AIPL1: variants seen among roughly 807,000 people sequenced by gnomAD.
The protein encoded by AIPL1 is aryl-hydrocarbon-interacting protein-like 1.
Under a neutral mutation model 32.9 loss-of-function variants are expected in AIPL1, and 23 were observed. The observed-to-expected ratio is 0.70, with a 90% CI of 0.50 to 0.99. The LOEUF is 0.99. Among genes scored for constraint, AIPL1 ranks in the 50% least tolerant of loss-of-function variants. The pLI, the probability that AIPL1 is intolerant of heterozygous loss-of-function variation, is 0.00. For missense variants in AIPL1, 485 were observed against 506.0 expected, an observed-to-expected ratio of 0.96 and a Z score of 0.40; for synonymous variants, 210 against 209.4, an observed-to-expected ratio of 1.00 and a Z score of -0.02.
chr17:6,429,195 C>T (rs60463279), intron 2 of AIPL1, among the ~76,000 whole-genome samples: 1 of 152,162 alleles, frequency 6.6e-6, no homozygotes, highest in African/African-American at 2.4e-5. Context: ...TGGGAAGATC[C>T]GCCGTGCGGC....
At chr17:6,433,882 A>G (rs1171927917) in intron 2 of AIPL1, 37 bp downstream of exon 2, 1 of 1,607,348 alleles carries the variant, frequency 6.2e-7, no homozygotes, top group African/African-American at 1.3e-5. Flanking sequence ...CCCAGAAAAG[A>G]CTAGTCCCAG....
At chr17:6,434,975 G>T (rs751560802) in intron 1 of AIPL1, 34 bp downstream of exon 1, 1 of 1,613,748 alleles carries the variant, frequency 6.2e-7, no homozygotes, top group Non-Finnish European at 8.5e-7. Context: ...GCTGCTGTGG[G>T]GGACCCTGTC....
Position 6,426,992 on chromosome 17 carries a change from C to A in AIPL1, c.531G>T (p.Ala177=). Residue 177 remains alanine, a synonymous_variant, in exon 4 of 6, where the codon GCG becomes GCT. Coordinates refer to ENST00000381129, the MANE Select transcript of AIPL1 (RefSeq NM_014336.5). ...TTCCCTCTCCGTGGAGGACGGGCAC[C>A]GCCTTCATCTTCTCATGATTGCTCA... is the stretch of plus-strand genomic sequence containing the variant. ...WNLSNHEKMK[A]VPVLHGEGNR... 1 of 1,614,212 alleles carries A rather than the reference C, an allele frequency of 6.2e-7. No individual in the cohort carries two copies. The highest frequency in any genetic ancestry group is 8.5e-7 in the Non-Finnish European group (1 of 1,180,050).
intron 5 of AIPL1, chr17:6,426,290 A>G: frequency 7.5e-7 from 1 of 1,339,156 alleles, no homozygotes; most frequent in Non-Finnish European, 9.6e-7. Flanking sequence ...CAACACCAGT[A>G]CTAGTACCGA....
intron 2 of AIPL1, among the ~76,000 whole-genome samples, chr17:6,431,292 C>G (rs1302654025): frequency 1.4e-5 from 2 of 138,134 alleles, no homozygotes; most frequent in Non-Finnish European, 3.2e-5. Context: ...ACTAAAAATA[C>G]TGAAAAAAAA....
rs201168635 is a variant in AIPL1 at position 6,426,704 on chromosome 17, A to G, written c.695T>C (p.Leu232Pro). The G allele has an allele frequency of 3.1e-6, 5 of 1,614,168 alleles. No homozygotes were observed. Among genetic ancestry groups the G allele is most frequent in the Non-Finnish European group, 8.5e-7 (1 of 1,180,032 alleles). The change falls in exon 5 of 6, where the codon CTG becomes CCG. Residue 232 changes from leucine (L) to proline (P), a missense_variant. Coordinates refer to ENST00000381129, the MANE Select transcript of AIPL1 (RefSeq NM_014336.5). ...WLKLEKMINT[L>P]ILNYCQCLLK... ...CAGGCACTGGCAGTAGTTGAGGATC[A>G]GAGTATTGATCATCTTCTCCAGCTT...
At position 6,425,247 on chromosome 17, in the gene AIPL1, A is replaced by G; in HGVS notation, c.*213T>C. 1 of 499,138 alleles carries G rather than the reference A, an allele frequency of 2.0e-6. No homozygotes were observed. Among genetic ancestry groups the G allele is most frequent in the Non-Finnish European group, 3.4e-6 (1 of 296,296 alleles). 30.9% of individuals were successfully genotyped at this position (499,138 alleles called of 1,614,324 possible). A position where few individuals can be genotyped will look rare whatever the true frequency, so the allele number is the denominator to read the frequency against. On this transcript the variant is annotated 3_prime_UTR_variant, in exon 6 of 6. Coordinates refer to ENST00000381129, the MANE Select transcript of AIPL1 (RefSeq NM_014336.5). ...CAATTAAAACCATGGCACGGAAGGAATGAGAGGGGTAGAGGAGAAAACTAC... is the reference window on the plus strand; with the variant it reads ...CAATTAAAACCATGGCACGGAAGGAGTGAGAGGGGTAGAGGAGAAAACTAC...
intron 3 of AIPL1, among the ~76,000 whole-genome samples, chr17:6,427,807 G>C (rs1365869797): frequency 8.0e-6 from 1 of 124,354 alleles, no homozygotes; most frequent in African/African-American, 2.8e-5. Flanking sequence ...GGTTCCAAGT[G>C]GACTTTTTTT....
chr17:6,428,353 G>T lies in AIPL1; in HGVS notation c.430C>A (p.Pro144Thr). The change falls in exon 3 of 6, where the codon CCT becomes ACT. Residue 144 changes from proline (P) to threonine (T), a missense_variant. By Grantham distance (38) the Pro-to-Thr change is conservative. Coordinates refer to ENST00000381129, the MANE Select transcript of AIPL1 (RefSeq NM_014336.5). ...YEDLDELQKE[P>T]QPLVFVIELL... ...TCGATCACAAAGACCAGAGGCTGAG[G>T]CTCCTTCTGCAGCTCGTCCAGGTCC... is the stretch of plus-strand genomic sequence containing the variant. 1.2e-6 allele frequency: 2 copies of T among 1,611,260 alleles called. No individual in the cohort carries two copies.
At chr17:6,430,371 G>A (rs901588019) in intron 2 of AIPL1, among the ~76,000 whole-genome samples, 6 of 145,026 alleles carry the variant, frequency 4.1e-5, no homozygotes, top group African/African-American at 7.7e-5. Flanking sequence ...CAGGAGAATC[G>A]CTTGAACCCG....
intron 3 of AIPL1, among the ~76,000 whole-genome samples, chr17:6,427,394 T>C (rs1912105391): frequency 6.6e-6 from 1 of 152,274 alleles, no homozygotes; most frequent in Admixed American, 6.5e-5. Context: ...AATGAGCACC[T>C]TGGAGGAGAT....
Position 6,423,967 on chromosome 17 carries a change from T to A in AIPL1, c.*1493A>T, listed in dbSNP as rs566348914. 1.3e-5 allele frequency: 2 copies of A among 152,394 alleles called. No homozygotes were observed. The highest frequency in any genetic ancestry group is 4.1e-4 in the South Asian group (2 of 4,832). 9.4% of individuals were successfully genotyped at this position (152,394 alleles called of 1,614,324 possible). A position where few individuals can be genotyped will look rare whatever the true frequency, so the allele number is the denominator to read the frequency against. ...GCCCAGGAAGCCCTTGGCAGTTGAC[T>A]ACGTGGCCCTGGGCTGGATACTTCG... On this transcript the variant is annotated 3_prime_UTR_variant, in exon 6 of 6. Coordinates refer to ENST00000381129, the MANE Select transcript of AIPL1 (RefSeq NM_014336.5).
At chr17:6,427,552 C>A (rs2150678969) in intron 3 of AIPL1, among the ~76,000 whole-genome samples, 1 of 152,272 alleles carries the variant, frequency 6.6e-6, no homozygotes, top group East Asian at 1.9e-4. Flanking sequence ...TGAGTCCTGA[C>A]CTGACCTTGA....
rs1353650064 is a variant in AIPL1 at position 6,435,084 on chromosome 17, C to G, written c.21G>C (p.Leu7=). The change falls in exon 1 of 6, where the codon CTG becomes CTC. Residue 7 remains leucine, a synonymous_variant. Transcript: ENST00000381129. MDAALL[L]NVEGVKKTIL... ...TGGTTTTCTTGACCCCTTCCACGTTCAGGAGCAGAGCGGCATCCATGGCTG... is the reference window on the plus strand; with the variant it reads ...TGGTTTTCTTGACCCCTTCCACGTTGAGGAGCAGAGCGGCATCCATGGCTG... The G allele has an allele frequency of 1.2e-6, 2 of 1,614,102 alleles. No homozygotes were observed. The highest frequency in any genetic ancestry group is 1.3e-5 in the African/African-American group (1 of 74,930).
rs377679106 is a variant in AIPL1, at chr17:6,435,083, T to C, written c.22A>G (p.Asn8Asp). Residue 8 changes from asparagine to aspartate, a missense_variant, in exon 1 of 6, where the codon AAC (asparagine) becomes GAC (aspartate). Asn to Asp is a conservative substitution (Grantham distance 23). Transcript: ENST00000381129. MDAALLL[N>D]VEGVKKTILH... ...ATGGTTTTCTTGACCCCTTCCACGT[T>C]CAGGAGCAGAGCGGCATCCATGGCT... 1 of 1,614,126 alleles carries C rather than the reference T, an allele frequency of 6.2e-7. No individual in the cohort carries two copies. The highest frequency in any genetic ancestry group is 8.5e-7 in the Non-Finnish European group (1 of 1,180,000).
In AIPL1 at chr17:6,425,377, G is replaced by A; in HGVS notation, c.*83C>T. 1 of 1,399,330 alleles carries A rather than the reference G, an allele frequency of 7.1e-7. No homozygotes were observed. The highest frequency in any genetic ancestry group is 9.4e-7 in the Non-Finnish European group (1 of 1,063,634). 86.7% of individuals were successfully genotyped at this position (1,399,330 alleles called of 1,614,324 possible). A position where few individuals can be genotyped will look rare whatever the true frequency, so the allele number is the denominator to read the frequency against. On this transcript the variant is annotated 3_prime_UTR_variant, in exon 6 of 6. Coordinates refer to ENST00000381129, the MANE Select transcript of AIPL1 (RefSeq NM_014336.5). ...AAAAATTAATTTTAAATTTTAAAAA[G>A]TGACACCACGATCCTGGTCAATCGA...
intron 1 of AIPL1, among the ~76,000 whole-genome samples, 171 bp from the exon 2 acceptor site, chr17:6,434,269 A>T (rs1330562546): frequency 1.3e-5 from 2 of 150,076 alleles, no homozygotes; most frequent in Non-Finnish European, 3.0e-5. Context: ...CCCCCCAGGG[A>T]GGAGGGACCC....
At position 6,424,565 on chromosome 17, in the gene AIPL1, T is replaced by C. The variant is rs1174650684; in HGVS notation, c.*895A>G. ...TTTTGTTTTTTGTTGTTGTTTTTGT[T>C]TTGTTTTGTTTTTTGAGATGAAGTT... is the stretch of plus-strand genomic sequence containing the variant. On this transcript the variant is annotated 3_prime_UTR_variant, in exon 6 of 6. Coordinates refer to ENST00000381129, the MANE Select transcript of AIPL1 (RefSeq NM_014336.5). 1 of 152,246 alleles carries C rather than the reference T, an allele frequency of 6.6e-6. No homozygotes were observed. Among genetic ancestry groups the C allele is most frequent in the Admixed American group, 6.5e-5 (1 of 15,272 alleles). 9.4% of individuals were successfully genotyped at this position (152,246 alleles called of 1,614,324 possible). A position where few individuals can be genotyped will look rare whatever the true frequency, so the allele number is the denominator to read the frequency against.
chr17:6,434,878 A>T, intron 1 of AIPL1, 131 bp downstream of exon 1: 1 of 1,488,064 alleles, frequency 6.7e-7, no homozygotes, highest in Admixed American at 2.2e-5. Context: ...AGCTCCCCGG[A>T]GGCCCAGCGC....
Sources: allele counts gnomAD v4.1 joint callset (sites outside exome capture counted in the v4.1 genomes callset), GRCh38; gene constraint gnomAD v4.1.1; transcripts MANE v1.5; gene names NCBI Gene and HGNC (gene_info 2026-07-23, HGNC 2026-07-21).